The following C12orf54 variants were observed in gnomAD, a reference collection of about 807,000 sequenced individuals.
C12orf54 encodes the protein chromosome 12 open reading frame 54.
A neutral mutation model predicts 26.4 loss-of-function variants in C12orf54; 24 were observed. That is an observed-to-expected ratio of 0.91 (90% CI 0.66 to 1.28). The LOEUF is 1.28. Among genes scored for constraint, C12orf54 ranks in the 50% most tolerant of loss-of-function variants. The pLI is 0.00. For synonymous variants in C12orf54, 54 were observed against 47.0 expected (o/e 1.15, Z -0.61); for missense variants, 154 against 150.9 (o/e 1.02, Z -0.11).
chr12:48,472,694 G>T, the C12orf54 span: 1 of 1,614,174 alleles, frequency 6.2e-7, no homozygotes, highest in African/African-American at 1.3e-5. Context: ...TTCATTTAGA[G>T]CTGCGGAACA....
At chr12:48,431,816 G>C in the C12orf54 span, among the ~76,000 whole-genome samples, 1 of 152,170 alleles carries the variant, frequency 6.6e-6, no homozygotes, top group African/African-American at 2.4e-5. Context: ...CAAGAATGGG[G>C]ATGGGATTGG....
chr12:48,445,553 T>A, the C12orf54 span, among the ~76,000 whole-genome samples: 8 of 152,142 alleles, frequency 5.3e-5, no homozygotes, highest in African/African-American at 1.4e-4. Flanking sequence ...CCTCATCTCC[T>A]CCCACCCCTT....
At chr12:48,473,190 G>T in the C12orf54 span, 1 of 1,387,628 alleles carries the variant, frequency 7.2e-7, no homozygotes, top group Admixed American at 1.7e-5. Flanking sequence ...GGATGAGGAT[G>T]AGGAGGAGTA....
At chr12:48,440,191 C>T in the C12orf54 span, among the ~76,000 whole-genome samples, 1 of 151,530 alleles carries the variant, frequency 6.6e-6, no homozygotes, top group Non-Finnish European at 1.5e-5. Context: ...TGCCACTGCA[C>T]TCCAGCCTGG....
the C12orf54 span, among the ~76,000 whole-genome samples, chr12:48,417,943 C>T: frequency 1.3e-5 from 2 of 152,152 alleles, no homozygotes; most frequent in Non-Finnish European, 2.9e-5. Flanking sequence ...CACAGTATTC[C>T]ATGGTGTATA....
At chr12:48,462,542 A>T in the C12orf54 span, among the ~76,000 whole-genome samples, 42 of 151,814 alleles carry the variant, frequency 2.8e-4, 1 homozygote, top group South Asian at 8.1e-3. Context: ...ACACATTATA[A>T]CTAAGTGGGG....
At chr12:48,480,607 G>A (rs967699231), upstream of C12orf54, among the ~76,000 whole-genome samples, 6 of 152,126 alleles carry the variant, frequency 3.9e-5, no homozygotes, top group Non-Finnish European at 8.8e-5. Flanking sequence ...CACTGCTGGT[G>A]GGGATGCAAA....
chr12:48,486,819 A>G, intron 4 of C12orf54, 93 bp downstream of exon 4: 1 of 1,338,890 alleles, frequency 7.5e-7, no homozygotes, highest in Non-Finnish European at 1.1e-6. Flanking sequence ...TCTTTCCTTG[A>G]GCGGTTTGTT....
chr12:48,425,814 T>C, the C12orf54 span, among the ~76,000 whole-genome samples: 1 of 152,164 alleles, frequency 6.6e-6, no homozygotes. Flanking sequence ...TTCATTTGCA[T>C]TTCTCTAATG....
chr12:48,429,153 A>T, the C12orf54 span, among the ~76,000 whole-genome samples: 2 of 151,988 alleles, frequency 1.3e-5, no homozygotes, highest in Non-Finnish European at 2.9e-5. Context: ...AAATCGGCAT[A>T]CAAGGAACAT....
chr12:48,486,154 G>T (rs373446482), intron 2 of C12orf54, 24 bp from the exon 3 acceptor site: 53 of 1,601,136 alleles, frequency 3.3e-5, no homozygotes, highest in Non-Finnish European at 4.1e-5. Context: ...TCCTCATCAG[G>T]TTTATATCAT....
intron 2 of C12orf54, among the ~76,000 whole-genome samples, chr12:48,485,202 G>A (rs1954244908): frequency 6.6e-6 from 1 of 152,116 alleles, no homozygotes; most frequent in African/African-American, 2.4e-5. Context: ...TCAGCCTCCT[G>A]AGTAAGCTAG....
the C12orf54 span, among the ~76,000 whole-genome samples, chr12:48,447,948 G>A: frequency 3.3e-5 from 5 of 152,314 alleles, 1 homozygote; most frequent in Admixed American, 3.3e-4. Flanking sequence ...TGCTCAATGA[G>A]GGACACACAG....
At chr12:48,480,125 C>A (rs1379764306), upstream of C12orf54, among the ~76,000 whole-genome samples, 1 of 152,094 alleles carries the variant, frequency 6.6e-6, no homozygotes, top group Non-Finnish European at 1.5e-5. Context: ...ACACAAATAT[C>A]CAAACAATCA....
At chr12:48,477,000 AG>A in the C12orf54 span, among the ~76,000 whole-genome samples, 1 of 152,198 alleles carries the variant, frequency 6.6e-6, no homozygotes, top group Non-Finnish European at 1.5e-5. Context: ...TTGGAAGTAA[AG>A]CACTCCTCAG....
At chr12:48,492,406 C>T (rs1937809638) in intron 6 of C12orf54, among the ~76,000 whole-genome samples, 1 of 152,192 alleles carries the variant, frequency 6.6e-6, no homozygotes, top group African/African-American at 2.4e-5. Context: ...CTTACCTCTG[C>T]TTAGAGAATG....
At chr12:48,477,380 A>T in the C12orf54 span, among the ~76,000 whole-genome samples, 1 of 152,216 alleles carries the variant, frequency 6.6e-6, no homozygotes, top group Non-Finnish European at 1.5e-5. Flanking sequence ...AGCAGAAGGC[A>T]AGAAATAACA....
chr12:48,482,213 G>T (rs535223152), upstream of C12orf54, among the ~76,000 whole-genome samples: 2 of 152,172 alleles, frequency 1.3e-5, no homozygotes, highest in Non-Finnish European at 2.9e-5. Flanking sequence ...TCTCAGACCT[G>T]ATTTTGAAAT....
At chr12:48,416,445 G>A in the C12orf54 span, among the ~76,000 whole-genome samples, 1 of 152,152 alleles carries the variant, frequency 6.6e-6, no homozygotes, top group Non-Finnish European at 1.5e-5. Flanking sequence ...TCCTTCTGAG[G>A]ATGGTGGGCT....
Sources: gnomAD v4.1 joint callset for allele counts (sites outside exome capture counted in the v4.1 genomes callset) on GRCh38, gnomAD v4.1.1 for gene constraint, MANE v1.5 for transcripts, NCBI Gene and HGNC (gene_info 2026-07-23, HGNC 2026-07-21) for gene names.